ADAMTS18: variants seen among roughly 807,000 people sequenced by gnomAD.
The protein encoded by ADAMTS18 is A disintegrin and metalloproteinase with thrombospondin motifs 18.
ADAMTS18 carries 157 observed loss-of-function variants against 165.9 expected under a neutral mutation model. The observed-to-expected ratio is 0.95, with a 90% confidence interval of 0.83 to 1.08. ADAMTS18 has a LOEUF of 1.08. ADAMTS18 is among the 50% of genes least tolerant of loss of function. The pLI is 0.00. For synonymous variants in ADAMTS18, 782 were observed against 578.2 expected, an observed-to-expected ratio of 1.35 and a Z score of -5.06; for missense variants, 2,040 against 1,534.0, an observed-to-expected ratio of 1.33 and a Z score of -5.51.
intron 12 of ADAMTS18, among the ~76,000 whole-genome samples, chr16:77,329,397 A>T (rs8044318): frequency 6.6e-6 from 1 of 152,094 alleles, no homozygotes; most frequent in Non-Finnish European, 1.5e-5. Context: ...TCCATCAAAC[A>T]TGGCCAGACC....
At chr16:77,362,393 G>C (rs7192938) in intron 6 of ADAMTS18, 129 bp from the exon 7 acceptor site, 2 of 998,292 alleles carry the variant, frequency 2.0e-6, no homozygotes, top group Non-Finnish European at 3.0e-6. Context: ...CTTGAGCTAA[G>C]GTAGGAGACA....
intron 3 of ADAMTS18, among the ~76,000 whole-genome samples, chr16:77,391,807 G>A (rs2057191343): frequency 6.6e-6 from 1 of 152,244 alleles, no homozygotes; most frequent in African/African-American, 2.4e-5. Flanking sequence ...AGGGGACCCA[G>A]GAATTCATTT....
Position 77,293,161 on chromosome 16 carries a change from G to C in ADAMTS18, c.3104C>G (p.Pro1035Arg), listed in dbSNP as rs1019481262. 1 of 1,613,822 alleles carries C rather than the reference G, an allele frequency of 6.2e-7. No homozygotes were observed. ...TLPESQCTSL[P>R]RPELQEGCVL... ...ACAGCCCTCCTGCAGCTCAGGTCTG[G>C]GGAGACTGGTACACTGGCTCTCGGG... is the stretch of plus-strand genomic sequence containing the variant. Residue 1035 changes from proline (P) to arginine (R), a missense_variant, in exon 20 of 23, where the codon CCC becomes CGC. Physicochemically the swap from Pro to Arg is moderately radical, Grantham distance 103. Coordinates refer to ENST00000282849, the MANE Select transcript of ADAMTS18 (RefSeq NM_199355.4).
chr16:77,318,957 A>G (rs1454449152), intron 16 of ADAMTS18, among the ~76,000 whole-genome samples: 1 of 152,210 alleles, frequency 6.6e-6, no homozygotes, highest in Non-Finnish European at 1.5e-5. Context: ...AAATGGAGAA[A>G]AAGCACTCAG....
chr16:77,379,043 G>T (rs2056994172), intron 3 of ADAMTS18: 1 of 140,850 alleles, frequency 7.1e-6, no homozygotes, highest in Non-Finnish European at 1.5e-5. Flanking sequence ...AGACAGAAGA[G>T]AAACCATAAA....
intron 4 of ADAMTS18, among the ~76,000 whole-genome samples, chr16:77,366,212 A>T (rs2056791424): frequency 6.6e-6 from 1 of 152,210 alleles, no homozygotes; most frequent in Admixed American, 6.5e-5. Flanking sequence ...ATGCACAGCT[A>T]CTGAGCCACA....
In ADAMTS18 at chr16:77,363,892, G is replaced by A; in HGVS notation, c.973-7C>T. 1 of 1,613,468 alleles carries A rather than the reference G, an allele frequency of 6.2e-7. No homozygotes were observed. The highest frequency in any genetic ancestry group is 8.5e-7 in the Non-Finnish European group (1 of 1,179,662). On this transcript the variant is annotated splice_region_variant and splice_polypyrimidine_tract_variant and intron_variant, in intron 5 of 22. Transcript: ENST00000282849. ...CTTTAAATAGGCCAGAAACCTGTTG[G>A]AACAATGGAAATCAAACAAAATCTC...
chr16:77,388,566 C>T (rs2057141686), intron 3 of ADAMTS18, among the ~76,000 whole-genome samples: 1 of 152,158 alleles, frequency 6.6e-6, no homozygotes, highest in Non-Finnish European at 1.5e-5. Context: ...TTTTGTGCCT[C>T]AGTTTATTGA....
At chr16:77,361,803 G>C (rs1041592475) in intron 7 of ADAMTS18, among the ~76,000 whole-genome samples, 14 of 152,102 alleles carry the variant, frequency 9.2e-5, no homozygotes, top group African/African-American at 3.4e-4. Context: ...AGAATTGCTT[G>C]AACCCAGGAG....
intron 16 of ADAMTS18, among the ~76,000 whole-genome samples, chr16:77,305,177 A>G (rs567377937): frequency 2.6e-5 from 4 of 152,210 alleles, no homozygotes; most frequent in African/African-American, 9.6e-5. Flanking sequence ...TTGCTTCTCA[A>G]TAAGTAAGAT....
Position 77,363,816 on chromosome 16 carries a change from G to C in ADAMTS18, c.1042C>G (p.Leu348Val), listed in dbSNP as rs2056751436. 6.2e-7 allele frequency: 1 copy of C among 1,613,828 alleles called. No homozygotes were observed. The highest frequency in any genetic ancestry group is 1.3e-5 in the African/African-American group (1 of 74,912). ...INVVVVSLIL[L>V]EQEPGGLLIN... ...TTGCCACTTACAGGTTCTTGTTCCA[G>C]AAGAATTAGGCTCACCACAACCACG... is the stretch of plus-strand genomic sequence containing the variant. The change falls in exon 6 of 23, where the codon CTG becomes GTG. Residue 348 changes from leucine (L) to valine (V), a missense_variant. Physicochemically the swap from Leu to Val is conservative, Grantham distance 32. Coordinates refer to ENST00000282849, the MANE Select transcript of ADAMTS18 (RefSeq NM_199355.4).
intron 10 of ADAMTS18, among the ~76,000 whole-genome samples, chr16:77,342,057 A>T (rs146535964): frequency 6.6e-6 from 1 of 152,292 alleles, no homozygotes; most frequent in East Asian, 1.9e-4. Context: ...TTTAGAGAAC[A>T]CTTGGCTTGG....
Position 77,319,995 on chromosome 16 carries a change from G to C in ADAMTS18, c.2386C>G (p.Gln796Glu). 6.2e-7 allele frequency: 1 copy of C among 1,614,128 alleles called. No homozygotes were observed. The highest frequency in any genetic ancestry group is 1.3e-5 in the African/African-American group (1 of 75,032). ...CAGCCCCCGGTGAGGTAATACTTTT[G>C]ACTGAGGCTTCGAACTGCGAGGTAA... ...SSYLAVRSLS[Q>E]KYYLTGGWSI... Residue 796 changes from glutamine (Q) to glutamate (E), a missense_variant, in exon 16 of 23, where the codon CAA becomes GAA. Gln to Glu is a conservative substitution (Grantham distance 29, BLOSUM62 2). Coordinates refer to ENST00000282849, the MANE Select transcript of ADAMTS18 (RefSeq NM_199355.4).
At position 77,321,137 on chromosome 16, in the gene ADAMTS18, A is replaced by C; in HGVS notation, c.2229T>G (p.Gly743=). ...TATAAAACTTGCAAGTTGAATTATC[A>C]CCTTTGCAAACGCCACAAGCATCTG... ...AVSDACGVCK[G]DNSTCKFYKG... Residue 743 remains glycine (G), a synonymous_variant, in exon 15 of 23, where the codon GGT becomes GGG. Coordinates refer to ENST00000282849, the MANE Select transcript of ADAMTS18 (RefSeq NM_199355.4). The C allele has an allele frequency of 5.6e-6, 9 of 1,614,086 alleles. No homozygotes were observed. The highest frequency in any genetic ancestry group is 7.6e-6 in the Non-Finnish European group (9 of 1,179,960).
intron 3 of ADAMTS18, among the ~76,000 whole-genome samples, chr16:77,413,550 C>T (rs2057492149): frequency 1.3e-5 from 2 of 152,118 alleles, no homozygotes; most frequent in South Asian, 4.1e-4. Context: ...ATGCCCACTG[C>T]TCTGAATTAT....
intron 16 of ADAMTS18, among the ~76,000 whole-genome samples, chr16:77,303,436 C>T (rs1421895183): frequency 6.6e-6 from 1 of 152,158 alleles, no homozygotes; most frequent in Non-Finnish European, 1.5e-5. Context: ...AATACCCTTC[C>T]AGTTGTTTAG....
At chr16:77,388,162 C>A (rs1442903817) in intron 3 of ADAMTS18, among the ~76,000 whole-genome samples, 1 of 152,208 alleles carries the variant, frequency 6.6e-6, no homozygotes, top group Non-Finnish European at 1.5e-5. Flanking sequence ...TGCAGTGGCA[C>A]CATCTCAGCT....
chr16:77,375,171 T>A (rs1052759660), intron 3 of ADAMTS18, among the ~76,000 whole-genome samples: 2 of 152,090 alleles, frequency 1.3e-5, no homozygotes, highest in Non-Finnish European at 1.5e-5. Flanking sequence ...CAAATGGGAA[T>A]GAAATATTAT....
At chr16:77,394,169 G>T (rs1352692622) in intron 3 of ADAMTS18, among the ~76,000 whole-genome samples, 1 of 152,212 alleles carries the variant, frequency 6.6e-6, no homozygotes, top group Non-Finnish European at 1.5e-5. Flanking sequence ...TGGGGTGGAA[G>T]TGGGGAGGAT....
Sources: allele counts gnomAD v4.1 joint callset (sites outside exome capture counted in the v4.1 genomes callset), GRCh38; gene constraint gnomAD v4.1.1; transcripts MANE v1.5; gene names NCBI Gene and HGNC (gene_info 2026-07-23, HGNC 2026-07-21).